The following PDIA4 variants were observed in gnomAD, a reference collection of about 807,000 sequenced individuals.
PDIA4 encodes the protein protein disulfide-isomerase A4.
PDIA4 carries 33 observed loss-of-function variants against 62.1 expected under a neutral mutation model. That is an observed-to-expected ratio of 0.53 (90% CI 0.40 to 0.71). The LOEUF (loss-of-function observed/expected upper bound fraction) is 0.71. Among genes scored for constraint, PDIA4 ranks in the 30% least tolerant of loss-of-function variants. The probability of loss-of-function intolerance (pLI) is 0.00; values close to 1 mark genes in which losing one functional copy is unlikely to be tolerated. For missense variants in PDIA4, 804 were observed against 813.6 expected (o/e 0.99, Z 0.14); for synonymous variants, 341 against 324.1 (o/e 1.05, Z -0.56).
chr7:149,004,348 A>C, intron 9 of PDIA4, 139 bp from the exon 10 acceptor site: 1 of 767,452 alleles, frequency 1.3e-6, no homozygotes, highest in Non-Finnish European at 2.1e-6. Flanking sequence ...CTACTGTAGA[A>C]AGTAGTAGCT....
chr7:149,005,086 C>T, intron 9 of PDIA4, 55 bp downstream of exon 9: 1 of 1,415,408 alleles, frequency 7.1e-7, no homozygotes, highest in Non-Finnish European at 1.0e-6. Context: ...TGTCTGGATT[C>T]CGCACGAGGA....
At position 149,003,904 on chromosome 7, in the gene PDIA4, C is replaced by A. The variant is rs531030582; in HGVS notation, c.1828G>T (p.Asp610Tyr). The change falls in exon 10 of 10, where the codon GAC becomes TAC. Residue 610 changes from aspartate (D) to tyrosine (Y), a missense_variant. Coordinates refer to ENST00000652332, the MANE Select transcript of PDIA4 (RefSeq NM_004911.5). ...TCAAATTTAACTGGGTTCTTTTTGT[C>A]CCCACTGGGGGCGAAGTAGATGGTG... Reference protein sequence around the residue: ...FPTIYFAPSGDKKNPVKFEGG... With the variant: ...FPTIYFAPSGYKKNPVKFEGG... 1 of 1,612,808 alleles carries A rather than the reference C, an allele frequency of 6.2e-7. No homozygotes were observed. The highest frequency in any genetic ancestry group is 8.5e-7 in the Non-Finnish European group (1 of 1,179,646).
intron 4 of PDIA4, among the ~76,000 whole-genome samples, chr7:149,012,805 T>TG (rs1823996316): frequency 6.6e-6 from 1 of 151,150 alleles, no homozygotes; most frequent in Admixed American, 6.6e-5. Context: ...CCACGGGAGG[T>TG]GGGGCGAAGA....
chr7:149,020,048 C>T (rs373558349), intron 2 of PDIA4, among the ~76,000 whole-genome samples: 1 of 152,166 alleles, frequency 6.6e-6, no homozygotes, highest in Non-Finnish European at 1.5e-5. Context: ...GCAGCCTCCC[C>T]CTCCTAGGTT....
intron 2 of PDIA4, 124 bp from the exon 3 acceptor site, chr7:149,019,321 C>T (rs961433844): frequency 1.4e-5 from 10 of 713,730 alleles, no homozygotes; most frequent in Middle Eastern, 6.4e-4. Context: ...AAATCTGATC[C>T]CCAGTGTGGC....
At chr7:149,015,623 C>T (rs1824106967) in intron 3 of PDIA4, among the ~76,000 whole-genome samples, 1 of 152,090 alleles carries the variant, frequency 6.6e-6, no homozygotes, top group African/African-American at 2.4e-5. Flanking sequence ...GAAATGGACT[C>T]CAGGGCTGGA....
intron 1 of PDIA4, chr7:149,028,067 TCTTCCA>T: frequency 1.6e-6 from 1 of 629,470 alleles, no homozygotes; most frequent in Admixed American, 2.4e-5. Context: ...GTGACAGGGG[TCTTCCA>T]GGGCGTCGGA....
At chr7:149,011,118 G>C (rs1026849219) in intron 6 of PDIA4, among the ~76,000 whole-genome samples, 2 of 152,246 alleles carry the variant, frequency 1.3e-5, no homozygotes, top group African/African-American at 4.8e-5. Context: ...GTAGCAAGCT[G>C]TGCATTTGAA....
At position 149,010,931 on chromosome 7, in the gene PDIA4, C is replaced by T. The variant is rs565354543; in HGVS notation, c.979+915G>A. 2.6e-5 allele frequency among the ~76,000 whole-genome samples: 4 copies of T among 152,326 alleles called. No homozygotes were observed. The South Asian group carries it at 6.2e-4, about 24-fold the overall frequency. On this transcript the variant is annotated intron_variant, in intron 6 of 9. Transcript: ENST00000652332. Reference sequence around the variant, plus strand: ...CTTGGGGCTACGGAATCCCCTGCTGCCCATAACCCTGGGTGGGTTGGGGTT... The same window carrying T: ...CTTGGGGCTACGGAATCCCCTGCTGTCCATAACCCTGGGTGGGTTGGGGTT...
chr7:149,016,869 C>T lies in PDIA4; in HGVS notation c.476-1827G>A, dbSNP rs536095668. ...CCAGGTTCAGGGAAGAAAGACTATT[C>T]ATTAATCTACCTCTCTGAATTACCA... On this transcript the variant is annotated intron_variant, in intron 3 of 9. Coordinates refer to ENST00000652332, the MANE Select transcript of PDIA4 (RefSeq NM_004911.5). Among the ~76,000 whole-genome samples the T allele has an allele frequency of 3.3e-4, 50 of 152,158 alleles. 1 individual carries two copies. The highest frequency in any genetic ancestry group is 6.2e-4 in the Non-Finnish European group (42 of 68,032).
At chr7:149,015,912 A>G (rs545343861) in intron 3 of PDIA4, among the ~76,000 whole-genome samples, 20 of 152,368 alleles carry the variant, frequency 1.3e-4, no homozygotes, top group Admixed American at 1.1e-3. Context: ...ACACTGCTCT[A>G]AAGTTTGCAA....
At chr7:149,016,929 G>A (rs1824158284) in intron 3 of PDIA4, among the ~76,000 whole-genome samples, 1 of 152,162 alleles carries the variant, frequency 6.6e-6, no homozygotes. Context: ...AACAAACTGT[G>A]ACACTAAATA....
chr7:149,008,400 T>C (rs1823833962), intron 6 of PDIA4, 90 bp from the exon 7 acceptor site: 10 of 1,373,512 alleles, frequency 7.3e-6, no homozygotes, highest in Non-Finnish European at 1.0e-5. Flanking sequence ...AAGCAAATGT[T>C]CTGAAAATGA....
Position 149,021,166 on chromosome 7 carries a change from G to T in PDIA4, c.89-19C>A. ...GAAGAATCTGAGTGGAAAACACCCA[G>T]ACTGGTTACAAAGCTGGTGGTGACT... On this transcript the variant is annotated intron_variant, in intron 1 of 9. Coordinates refer to ENST00000652332, the MANE Select transcript of PDIA4 (RefSeq NM_004911.5). The T allele has an allele frequency of 6.4e-7, 1 of 1,559,082 alleles. No individual in the cohort carries two copies.
At chr7:149,006,690 C>T (rs1823768847) in intron 7 of PDIA4, among the ~76,000 whole-genome samples, 1 of 152,118 alleles carries the variant, frequency 6.6e-6, no homozygotes, top group South Asian at 2.1e-4. Flanking sequence ...AGGCAGGGCA[C>T]GAGGCACAAA....
chr7:149,010,655 C>T (rs746926183), intron 6 of PDIA4, among the ~76,000 whole-genome samples: 9 of 152,168 alleles, frequency 5.9e-5, no homozygotes, highest in African/African-American at 1.4e-4. Context: ...ATCCCCCAGC[C>T]GCCCTCTCTG....
intron 6 of PDIA4, among the ~76,000 whole-genome samples, chr7:149,009,812 G>A (rs913736430): frequency 2.0e-5 from 3 of 152,184 alleles, no homozygotes; most frequent in Non-Finnish European, 2.9e-5. Context: ...ATGGGTGTGT[G>A]GGCCACAGTG....
chr7:149,018,518 G>A lies in PDIA4; in HGVS notation c.475+474C>T, dbSNP rs535524884. ...ACAATCTCAGCTCACCGCAACCTCC[G>A]CTTCGTAGGTTCAAGCGATTATCCT... On this transcript the variant is annotated intron_variant, in intron 3 of 9. Coordinates refer to ENST00000652332, the MANE Select transcript of PDIA4 (RefSeq NM_004911.5). Among the ~76,000 whole-genome samples the A allele has an allele frequency of 2.0e-5, 3 of 152,086 alleles. No homozygotes were observed. The East Asian group carries it at 5.8e-4, about 30-fold the overall frequency.
chr7:149,007,234 CAGAA>C (rs1238512353), intron 7 of PDIA4, among the ~76,000 whole-genome samples: 1 of 152,122 alleles, frequency 6.6e-6, no homozygotes, highest in Non-Finnish European at 1.5e-5. Context: ...ACATGGGGAC[CAGAA>C]AGATTCAGGG....
Sources: gnomAD v4.1 joint callset for allele counts (sites outside exome capture counted in the v4.1 genomes callset) on GRCh38, gnomAD v4.1.1 for gene constraint, MANE v1.5 for transcripts, NCBI Gene and HGNC (gene_info 2026-07-23, HGNC 2026-07-21) for gene names.